The following ANKH variants were observed in gnomAD, a reference collection of about 807,000 sequenced individuals.
ANKH encodes the protein ANKH inorganic pyrophosphate transport regulator, also known as mineralization regulator ANKH.
ANKH carries 15 observed loss-of-function variants against 49.0 expected under a neutral mutation model. That is an observed-to-expected ratio of 0.31 (90% CI 0.20 to 0.47). The LOEUF is 0.47. ANKH is among the 20% of genes least tolerant of loss of function. ANKH has a pLI of 1.00. For missense variants in ANKH, 429 were observed against 652.0 expected, an observed-to-expected ratio of 0.66 and a Z score of 3.72; for synonymous variants, 273 against 260.0, an observed-to-expected ratio of 1.05 and a Z score of -0.48.
chr5:14,847,489 G>A (rs1234544759), intron 1 of ANKH, among the ~76,000 whole-genome samples: 2 of 152,230 alleles, frequency 1.3e-5, no homozygotes, highest in Non-Finnish European at 2.9e-5. Flanking sequence ...AGCAGACAAA[G>A]TGTCGCCGTC....
intron 1 of ANKH, among the ~76,000 whole-genome samples, chr5:14,793,704 G>A (rs1195567010): frequency 6.6e-6 from 1 of 152,246 alleles, no homozygotes; most frequent in Non-Finnish European, 1.5e-5. Flanking sequence ...CCAGTCCCAA[G>A]TGAGTTTGTC....
At chr5:14,827,910 A>T (rs1741389904) in intron 1 of ANKH, among the ~76,000 whole-genome samples, 1 of 152,204 alleles carries the variant, frequency 6.6e-6, no homozygotes, top group South Asian at 2.1e-4. Flanking sequence ...AGTTTGCAAC[A>T]TTCCCAGGTA....
At chr5:14,789,731 C>T (rs1333326551) in intron 1 of ANKH, among the ~76,000 whole-genome samples, 1 of 151,980 alleles carries the variant, frequency 6.6e-6, no homozygotes, top group Non-Finnish European at 1.5e-5. Flanking sequence ...CTCTCTCTCT[C>T]GACAGGATCT....
chr5:14,736,038 T>TA (rs1554001692), intron 8 of ANKH, among the ~76,000 whole-genome samples: 6 of 131,258 alleles, frequency 4.6e-5, no homozygotes, highest in East Asian at 2.3e-4. Flanking sequence ...TTTTTTTTTT[T>TA]AAAGAATCAG....
At chr5:14,868,752 G>C (rs1735732724) in intron 1 of ANKH, 1 of 150,626 alleles carries the variant, frequency 6.6e-6, no homozygotes, top group African/African-American at 2.5e-5. Flanking sequence ...ATGTTGCCCA[G>C]GCTGGTTTTG....
intron 6 of ANKH, among the ~76,000 whole-genome samples, chr5:14,746,927 G>C (rs1313497831): frequency 6.6e-6 from 1 of 152,234 alleles, no homozygotes; most frequent in East Asian, 1.9e-4. Flanking sequence ...GAGAAGCCAA[G>C]ATTTCAACCC....
intron 6 of ANKH, among the ~76,000 whole-genome samples, chr5:14,748,905 C>A (rs1392239917): frequency 6.6e-6 from 1 of 152,246 alleles, no homozygotes. Context: ...GTGTCTTTAA[C>A]CTTTTCTTTC....
chr5:14,786,804 TA>T (rs145371710), intron 1 of ANKH, among the ~76,000 whole-genome samples: 2,036 of 152,350 alleles, frequency 0.013, 43 homozygotes, highest in African/African-American at 0.047. Flanking sequence ...CTTGACCCAG[TA>T]ATCCCCCTTC....
chr5:14,773,332 G>A (rs1739507285), intron 1 of ANKH, among the ~76,000 whole-genome samples: 2 of 126,946 alleles, frequency 1.6e-5, no homozygotes, highest in South Asian at 5.4e-4. Flanking sequence ...GACATTTTAT[G>A]TGTCTTCTTG....
chr5:14,717,834 T>C (rs1453590748), intron 8 of ANKH, among the ~76,000 whole-genome samples: 1 of 152,146 alleles, frequency 6.6e-6, no homozygotes, highest in Non-Finnish European at 1.5e-5. Flanking sequence ...AAATACAAAG[T>C]CCAGAATGCT....
intron 8 of ANKH, 130 bp downstream of exon 8, chr5:14,741,697 T>G: frequency 1.4e-6 from 1 of 728,974 alleles, no homozygotes; most frequent in Non-Finnish European, 2.4e-6. Flanking sequence ...GAAAGTGTAT[T>G]GAAGAGATTG....
At chr5:14,798,232 C>T (rs1392763479) in intron 1 of ANKH, 30 of 1,601,830 alleles carry the variant, frequency 1.9e-5, no homozygotes, top group Non-Finnish European at 2.6e-5. Flanking sequence ...TCTTTCCCTT[C>T]TGGTCTGGTT....
rs753562943 is a variant in ANKH, at chr5:14,745,701, C to T, written c.915+169G>A. On this transcript the variant is annotated intron_variant, in intron 7 of 11. Transcript: ENST00000284268. This position sits in a 1 kb window ranked among gnomAD's most constrained non-coding sequence, Gnocchi z 4.7. ...GCGTCAAAGGTAAGCTTCAACTTGC[C>T]CCTGTTATTTTCTGAGGAAAATATT... 3.3e-5 allele frequency among the ~76,000 whole-genome samples: 5 copies of T among 152,272 alleles called. No individual in the cohort carries two copies. The highest frequency in any genetic ancestry group is 7.4e-5 in the Non-Finnish European group (5 of 68,018).
intron 1 of ANKH, among the ~76,000 whole-genome samples, chr5:14,837,305 G>A (rs1741683593): frequency 6.6e-6 from 1 of 152,126 alleles, no homozygotes; most frequent in Non-Finnish European, 1.5e-5. Flanking sequence ...CTTCTGCACA[G>A]CAAAAGAAAC....
intron 1 of ANKH, among the ~76,000 whole-genome samples, chr5:14,796,587 C>T (rs1382471526): frequency 1.3e-5 from 2 of 151,850 alleles, no homozygotes; most frequent in African/African-American, 4.8e-5. Flanking sequence ...GAGGAACGTG[C>T]TGTTTTGACT....
At chr5:14,799,030 A>T (rs185679059) in intron 1 of ANKH, among the ~76,000 whole-genome samples, 122 of 152,336 alleles carry the variant, frequency 8.0e-4, no homozygotes, top group African/African-American at 2.8e-3. Context: ...AAAGGAAATT[A>T]AAAAATGTTA....
At chr5:14,720,714 A>G (rs548378562) in intron 8 of ANKH, among the ~76,000 whole-genome samples, 2 of 152,362 alleles carry the variant, frequency 1.3e-5, no homozygotes, top group African/African-American at 2.4e-5. Flanking sequence ...GACCTAGGCC[A>G]CATACTACTA....
At chr5:14,814,960 A>G (rs1740988440) in intron 1 of ANKH, among the ~76,000 whole-genome samples, 1 of 152,224 alleles carries the variant, frequency 6.6e-6, no homozygotes, top group South Asian at 2.1e-4. Context: ...GTACTTCAAA[A>G]CAGAGTTGGA....
chr5:14,778,439 C>T (rs1174410228), intron 1 of ANKH, among the ~76,000 whole-genome samples: 1 of 152,130 alleles, frequency 6.6e-6, no homozygotes, highest in Non-Finnish European at 1.5e-5. Context: ...CCACCCAATG[C>T]CCTCTGAGTT....
Sources: allele counts gnomAD v4.1 joint callset (sites outside exome capture counted in the v4.1 genomes callset), GRCh38; gene constraint gnomAD v4.1.1; non-coding constraint Gnocchi (gnomAD v3.1); transcripts MANE v1.5; gene names NCBI Gene and HGNC (gene_info 2026-07-23, HGNC 2026-07-21).